FABP6: variants seen among roughly 807,000 people sequenced by gnomAD.
FABP6 encodes gastrotropin.
In FABP6, 13 loss-of-function variants were observed where a neutral mutation model predicts 14.9. The ratio of observed to expected loss-of-function variants is 0.87; its 90% confidence interval spans 0.57 to 1.39. The LOEUF (loss-of-function observed/expected upper bound fraction) is 1.39. FABP6 is among the 40% of genes most tolerant of loss of function. The pLI, the probability that FABP6 is intolerant of heterozygous loss-of-function variation, is 0.00. For missense variants in FABP6, 161 were observed against 167.2 expected, an observed-to-expected ratio of 0.96 and a Z score of 0.20; for synonymous variants, 75 against 63.6, an observed-to-expected ratio of 1.18 and a Z score of -0.85.
At chr5:160,191,050 C>T (rs548776930) in intron 1 of FABP6, among the ~76,000 whole-genome samples, 54 of 149,626 alleles carry the variant, frequency 3.6e-4, no homozygotes, top group African/African-American at 1.3e-3. Flanking sequence ...GATCATGCCA[C>T]CGCACTCCAG....
intron 1 of FABP6, chr5:160,198,192 T>A (rs557817859): frequency 6.6e-6 from 1 of 151,696 alleles, no homozygotes; most frequent in Non-Finnish European, 1.5e-5. Context: ...TCTGGCTACA[T>A]AGTCTGGAGT....
intron 2 of FABP6, among the ~76,000 whole-genome samples, chr5:160,207,177 A>G (rs533087635): frequency 6.6e-6 from 1 of 152,378 alleles, no homozygotes; most frequent in East Asian, 1.9e-4. Context: ...AACTGAGGAT[A>G]TGACAGAAGA....
intron 3 of FABP6, among the ~76,000 whole-genome samples, chr5:160,222,307 C>T (rs1042270615): frequency 8.6e-5 from 13 of 151,876 alleles, no homozygotes; most frequent in African/African-American, 2.7e-4. Context: ...CCCGGCTGGT[C>T]TCTTCCTACA....
chr5:160,197,880 C>T (rs564893869), intron 1 of FABP6: 11 of 152,226 alleles, frequency 7.2e-5, no homozygotes, highest in Admixed American at 2.0e-4. Flanking sequence ...CCCTGGAGAC[C>T]GCTTGTCTCT....
chr5:160,233,465 A>G (rs1473895881), intron 2 of FABP6, among the ~76,000 whole-genome samples: 1 of 152,226 alleles, frequency 6.6e-6, no homozygotes, highest in Non-Finnish European at 1.5e-5. Context: ...TACAATCTCT[A>G]GCTCCAAGAG....
intron 1 of FABP6, among the ~76,000 whole-genome samples, chr5:160,231,878 T>G (rs1242126424): frequency 1.3e-5 from 2 of 152,154 alleles, no homozygotes; most frequent in African/African-American, 4.8e-5. Flanking sequence ...TATCTCCATA[T>G]TGTGGATGAA....
intron 1 of FABP6, among the ~76,000 whole-genome samples, chr5:160,188,513 G>A (rs1368491525): frequency 6.6e-6 from 1 of 152,170 alleles, no homozygotes; most frequent in Admixed American, 6.5e-5. Flanking sequence ...CACTCCGCAG[G>A]CGCCTCCCCT....
intron 2 of FABP6, among the ~76,000 whole-genome samples, chr5:160,203,102 G>C (rs774755034): frequency 6.6e-6 from 1 of 152,002 alleles, no homozygotes; most frequent in Non-Finnish European, 1.5e-5. Context: ...GGGTTTCACT[G>C]TGGTGGCCAG....
upstream of FABP6, among the ~76,000 whole-genome samples, chr5:160,226,179 AAATT>A (rs1760240598): frequency 1.3e-5 from 2 of 151,982 alleles, 1 homozygote; most frequent in African/African-American, 4.8e-5. Flanking sequence ...TCAAATAAAT[AAATT>A]AATTAATTAA....
At chr5:160,218,610 G>A (rs1335798457) in intron 3 of FABP6, among the ~76,000 whole-genome samples, 3 of 151,890 alleles carry the variant, frequency 2.0e-5, no homozygotes, top group East Asian at 1.9e-4. Flanking sequence ...ACAGGCACCC[G>A]CCACCATGCC....
At chr5:160,208,295 A>G (rs1759811381) in intron 2 of FABP6, among the ~76,000 whole-genome samples, 1 of 151,980 alleles carries the variant, frequency 6.6e-6, no homozygotes, top group African/African-American at 2.4e-5. Context: ...AAAATTAGTC[A>G]GGTGAGGTGG....
chr5:160,215,013 A>C (rs1290902284), intron 3 of FABP6, among the ~76,000 whole-genome samples: 1 of 152,180 alleles, frequency 6.6e-6, no homozygotes, highest in African/African-American at 2.4e-5. Flanking sequence ...CATCCAGTGG[A>C]ACTTCAGCTG....
intron 1 of FABP6, among the ~76,000 whole-genome samples, chr5:160,187,803 A>C (rs902265553): frequency 6.6e-6 from 1 of 151,950 alleles, no homozygotes; most frequent in African/African-American, 2.4e-5. Flanking sequence ...CCCAGGCTGG[A>C]GTGCAATGGC....
chr5:160,208,045 T>C (rs1759807113), intron 2 of FABP6, among the ~76,000 whole-genome samples: 1 of 152,198 alleles, frequency 6.6e-6, no homozygotes, highest in African/African-American at 2.4e-5. Flanking sequence ...CTTTAGACTT[T>C]TCTGCATTTT....
intron 2 of FABP6, chr5:160,199,231 C>A: frequency 6.7e-7 from 1 of 1,493,748 alleles, no homozygotes; most frequent in Middle Eastern, 1.7e-4. Context: ...GGGGAGAACA[C>A]CTTGGGTGGG....
chr5:160,211,035 T>C (rs1048562337), intron 2 of FABP6, among the ~76,000 whole-genome samples: 1 of 152,202 alleles, frequency 6.6e-6, no homozygotes, highest in Non-Finnish European at 1.5e-5. Flanking sequence ...GGGAGATTGC[T>C]TGGACGTTGT....
intron 1 of FABP6, among the ~76,000 whole-genome samples, chr5:160,192,838 T>G (rs935306340): frequency 1.3e-5 from 2 of 152,170 alleles, no homozygotes; most frequent in African/African-American, 4.8e-5. Flanking sequence ...CACGCTGGGG[T>G]TGATGGCTCA....
At chr5:160,192,207 T>C (rs1198419567) in intron 1 of FABP6, among the ~76,000 whole-genome samples, 2 of 151,592 alleles carry the variant, frequency 1.3e-5, no homozygotes, top group African/African-American at 4.9e-5. Flanking sequence ...AATTAAACAT[T>C]TTAGAGATGG....
rs189442195 is a variant in FABP6 at position 160,192,919 on chromosome 5, C to T, written c.-59+5465C>T. Among the ~76,000 whole-genome samples the T allele has an allele frequency of 8.5e-5, 13 of 152,316 alleles. No homozygotes were observed. The East Asian group carries it at 2.5e-3, about 29-fold the overall frequency. On this transcript the variant is annotated intron_variant, in intron 1 of 6. Transcript: ENST00000393980. ...TTGAAGTCAGGAGTTTGAGACCAGC[C>T]TGAGCAACATAGTGAGACCCTGTCT... is the stretch of plus-strand genomic sequence containing the variant.
Sources: gnomAD v4.1 joint callset for allele counts (sites outside exome capture counted in the v4.1 genomes callset) on GRCh38, gnomAD v4.1.1 for gene constraint, MANE v1.5 for transcripts, NCBI Gene and HGNC (gene_info 2026-07-23, HGNC 2026-07-21) for gene names.